TRMT2B: variants seen among roughly 807,000 people sequenced by gnomAD.
TRMT2B encodes tRNA (uracil-5-)-methyltransferase homolog B.
Under a neutral mutation model 39.7 loss-of-function variants are expected in TRMT2B, and 34 were observed. The ratio of observed to expected loss-of-function variants is 0.86; its 90% confidence interval spans 0.65 to 1.14. TRMT2B has a LOEUF of 1.14. Among genes scored for constraint, TRMT2B ranks in the 50% most tolerant of loss-of-function variants. TRMT2B has a pLI of 0.00. For missense variants in TRMT2B, 318 were observed against 377.2 expected (o/e 0.84, Z 1.30); for synonymous variants, 132 against 137.3 (o/e 0.96, Z 0.27).
At chrX:100,988,555 G>T in the TRMT2B span, 1 of 1,061,051 alleles carries the variant, frequency 9.4e-7, no homozygotes, top group Non-Finnish European at 1.2e-6. Flanking sequence ...CAATATTTTT[G>T]AAGGTAATGC....
At chrX:101,005,880 C>CAAAAAA (rs370275736), downstream of TRMT2B, among the ~76,000 whole-genome samples, 12 of 64,243 alleles carry the variant, frequency 1.9e-4, no homozygotes, top group Admixed American at 2.5e-4. Flanking sequence ...GATTCCCACT[C>CAAAAAA]AAAAAAAAAA....
intron 7 of TRMT2B, among the ~76,000 whole-genome samples, chrX:101,032,720 G>A (rs915684033): frequency 1.7e-4 from 18 of 103,179 alleles, no homozygotes; most frequent in Non-Finnish European, 2.4e-4. Context: ...AGGTTGCAGT[G>A]AGCCAAGATC....
the TRMT2B span, chrX:100,985,925 C>T: frequency 1.7e-6 from 2 of 1,196,495 alleles, no homozygotes; most frequent in Admixed American, 4.5e-5. Context: ...ATGTAAGATT[C>T]TGCCTTTCTG....
intron 10 of TRMT2B, 31 bp from the exon 11 acceptor site, chrX:101,020,619 C>A: frequency 9.4e-7 from 1 of 1,062,090 alleles, no homozygotes; most frequent in Non-Finnish European, 1.3e-6. Context: ...AAGAAGAAGG[C>A]ATTTTAGGGT....
At chrX:101,031,714 A>C (rs1184612889) in intron 7 of TRMT2B, among the ~76,000 whole-genome samples, 5 of 108,260 alleles carry the variant, frequency 4.6e-5, no homozygotes, top group African/African-American at 1.3e-4. Flanking sequence ...GTCGTAGGAA[A>C]AAAAAAAAAA....
chrX:101,006,857 G>A (rs1017217001), downstream of TRMT2B, among the ~76,000 whole-genome samples: 19 of 110,835 alleles, frequency 1.7e-4, no homozygotes, highest in Non-Finnish European at 3.4e-4. Flanking sequence ...CATTTTTAAA[G>A]CAATAAAGTA....
intron 4 of TRMT2B, among the ~76,000 whole-genome samples, chrX:101,040,292 TAA>T (rs59255183): frequency 0.22 from 19,712 of 90,329 alleles, 1,771 homozygotes; most frequent in African/African-American, 0.27. Flanking sequence ...AGACTCTATT[TAA>T]AAAAAAAAAA....
At chrX:101,015,761 T>C in intron 13 of TRMT2B, 1 of 237,486 alleles carries the variant, frequency 4.2e-6, no homozygotes, top group Non-Finnish European at 5.9e-6. Context: ...ATTTTTTTAA[T>C]AGTCTTATTG....
At chrX:101,015,941 G>A (rs1276767753) in intron 13 of TRMT2B, among the ~76,000 whole-genome samples, 1 of 110,456 alleles carries the variant, frequency 9.1e-6, no homozygotes, top group Non-Finnish European at 1.9e-5. Context: ...GTGGTGGCAG[G>A]TGCCTGTAAT....
Position 101,012,639 on chromosome X carries a change from T to C in TRMT2B, c.1389-1932A>G, listed in dbSNP as rs765988081. On this transcript the variant is annotated intron_variant, in intron 13 of 13. Coordinates refer to ENST00000372936, the MANE Select transcript of TRMT2B (RefSeq NM_024917.6). ...TAAATCATGCTGCTATAAAGACACA[T>C]GCACACGTATGTTTATTGCGGCATT... is the stretch of plus-strand genomic sequence containing the variant. 2.7e-5 allele frequency among the ~76,000 whole-genome samples: 3 copies of C among 109,891 alleles called. No individual in the cohort carries two copies. The South Asian group carries it at 1.2e-3, about 43-fold the overall frequency.
At position 101,026,883 on chromosome X, in the gene TRMT2B, C is replaced by A. The variant is rs181207938; in HGVS notation, c.610-3267G>T. 2.3e-3 allele frequency among the ~76,000 whole-genome samples: 252 copies of A among 111,755 alleles called. 1 individual carries two copies. The highest frequency in any genetic ancestry group is 2.4e-3 in the Non-Finnish European group (127 of 53,163). On this transcript the variant is annotated intron_variant, in intron 7 of 13. Coordinates refer to ENST00000372936, the MANE Select transcript of TRMT2B (RefSeq NM_024917.6). ...GTACTGGATCATTCCCATCAATATA[C>A]TATCAGATTGCTTTTACTCTCCCAT...
At chrX:101,030,454 C>CCTTTTTTTTTTTTTT (rs1417481072) in intron 7 of TRMT2B, among the ~76,000 whole-genome samples, 7 of 71,863 alleles carry the variant, frequency 9.7e-5, no homozygotes, top group African/African-American at 4.6e-4. Flanking sequence ...GATCTGCATT[C>CCTTTTTTTTTTTTTT]TTTTTTTTTT....
chrX:100,974,362 CTCTG>C, the TRMT2B span, among the ~76,000 whole-genome samples: 1 of 109,260 alleles, frequency 9.2e-6, no homozygotes, highest in African/African-American at 3.3e-5. Context: ...CTCTATCTCT[CTCTG>C]TCTCTCTCTC....
At position 101,010,391 on chromosome X, in the gene TRMT2B, A is replaced by G; in HGVS notation, c.*190T>C. ...CACGCCACGACACTCCAGCCTGGGCAAGAGTGAGACTCTATCTCAAAAAAA... is the reference window on the plus strand; with the variant it reads ...CACGCCACGACACTCCAGCCTGGGCGAGAGTGAGACTCTATCTCAAAAAAA... On this transcript the variant is annotated 3_prime_UTR_variant, in exon 14 of 14. Transcript: ENST00000372936. 1 of 464,974 alleles carries G rather than the reference A, an allele frequency of 2.2e-6. No homozygotes were observed. The highest frequency in any genetic ancestry group is 3.7e-6 in the Non-Finnish European group (1 of 272,521). 38.3% of individuals were successfully genotyped at this position (464,974 alleles called of 1,213,427 possible).
chrX:101,002,599 G>T, the TRMT2B span, among the ~76,000 whole-genome samples: 2 of 110,761 alleles, frequency 1.8e-5, no homozygotes, highest in African/African-American at 6.6e-5. Flanking sequence ...GGCCAACATG[G>T]TGAAATCCCA....
the TRMT2B span, among the ~76,000 whole-genome samples, chrX:100,975,646 T>C: frequency 1.9e-5 from 2 of 105,100 alleles, no homozygotes; most frequent in African/African-American, 3.7e-5. Context: ...TTTTTTTTTT[T>C]CTCTGAGACA....
chrX:101,038,103 C>T, intron 4 of TRMT2B, 52 bp from the exon 5 acceptor site: 1 of 1,159,522 alleles, frequency 8.6e-7, no homozygotes, highest in Non-Finnish European at 1.2e-6. Context: ...CACGGTGGCT[C>T]ACGCCTGTAA....
At chrX:101,020,212 C>T (rs2086729582) in intron 11 of TRMT2B, among the ~76,000 whole-genome samples, 1 of 111,914 alleles carries the variant, frequency 8.9e-6, no homozygotes, top group African/African-American at 3.2e-5. Flanking sequence ...GATTCTTCTT[C>T]TATTCTGTCC....
At chrX:100,989,059 T>G in the TRMT2B span, among the ~76,000 whole-genome samples, 1 of 109,369 alleles carries the variant, frequency 9.1e-6, no homozygotes, top group Non-Finnish European at 1.9e-5. Flanking sequence ...AATGGCTAAA[T>G]AAATTAGGAT....
Sources: allele counts gnomAD v4.1 joint callset (sites outside exome capture counted in the v4.1 genomes callset), GRCh38; gene constraint gnomAD v4.1.1; transcripts MANE v1.5; gene names NCBI Gene and HGNC (gene_info 2026-07-23, HGNC 2026-07-21).